The following TMOD3 variants were observed in gnomAD, a reference collection of about 807,000 sequenced individuals.
TMOD3 encodes the protein tropomodulin-3.
A neutral mutation model predicts 39.2 loss-of-function variants in TMOD3; 20 were observed. The ratio of observed to expected loss-of-function variants is 0.51; its 90% CI spans 0.36 to 0.74. The LOEUF (loss-of-function observed/expected upper bound fraction) is 0.74, where lower values mean the gene tolerates loss of function less well. Among genes scored for constraint, TMOD3 ranks in the 30% least tolerant of loss-of-function variants. The pLI is 0.00. For missense variants in TMOD3, 381 were observed against 412.8 expected, an observed-to-expected ratio of 0.92 and a Z score of 0.67; for synonymous variants, 143 against 145.8, an observed-to-expected ratio of 0.98 and a Z score of 0.14.
intron 1 of TMOD3, among the ~76,000 whole-genome samples, chr15:51,849,489 G>A (rs118164707): frequency 0.015 from 2,338 of 152,270 alleles, 84 homozygotes; most frequent in Admixed American, 0.074. Flanking sequence ...AAGTACTGGG[G>A]GCACTCCAAC....
At chr15:51,874,174 A>G (rs567213996) in intron 3 of TMOD3, among the ~76,000 whole-genome samples, 16 of 152,282 alleles carry the variant, frequency 1.1e-4, no homozygotes, top group African/African-American at 3.9e-4. Flanking sequence ...TTCATGCCAA[A>G]TTTTATTTTC....
At position 51,911,225 on chromosome 15, in the gene TMOD3, G is replaced by A. The variant is rs1404671753; in HGVS notation, c.*2415G>A. 2 of 152,070 alleles carry A rather than the reference G, an allele frequency of 1.3e-5. No individual in the cohort carries two copies. The highest frequency in any genetic ancestry group is 2.9e-5 in the Non-Finnish European group (2 of 68,016). 9.4% of individuals were successfully genotyped at this position (152,070 alleles called of 1,614,324 possible). ...TGTTTTTGTTTTTGTTTTTAATATA[G>A]GTAAGTGGGACTCTACCTAAAATTT... is the stretch of plus-strand genomic sequence containing the variant. On this transcript the variant is annotated 3_prime_UTR_variant, in exon 10 of 10. Coordinates refer to ENST00000308580, the MANE Select transcript of TMOD3 (RefSeq NM_014547.5).
At chr15:51,881,122 A>T (rs1296379988) in intron 3 of TMOD3, among the ~76,000 whole-genome samples, 2 of 152,228 alleles carry the variant, frequency 1.3e-5, no homozygotes, top group Non-Finnish European at 2.9e-5. Context: ...CTTTTTGGAA[A>T]TGGAGTCTTG....
chr15:51,863,117 T>G (rs2570251), intron 2 of TMOD3, 107 bp downstream of exon 2: 8 of 1,129,096 alleles, frequency 7.1e-6, no homozygotes, highest in African/African-American at 4.7e-5. Flanking sequence ...CTTCCACCCT[T>G]TCCTCCACTT....
chr15:51,846,611 A>G (rs1265387960), intron 1 of TMOD3, among the ~76,000 whole-genome samples: 1 of 152,216 alleles, frequency 6.6e-6, no homozygotes, highest in African/African-American at 2.4e-5. Context: ...ACCATTATGC[A>G]CTTGGCATGG....
At chr15:51,900,648 A>C (rs925224447) in intron 8 of TMOD3, among the ~76,000 whole-genome samples, 1 of 152,234 alleles carries the variant, frequency 6.6e-6, no homozygotes, top group Non-Finnish European at 1.5e-5. Flanking sequence ...AGAGAGATAC[A>C]TGTTAGAAAT....
At chr15:51,882,913 T>C (rs2056542225) in intron 3 of TMOD3, among the ~76,000 whole-genome samples, 1 of 152,236 alleles carries the variant, frequency 6.6e-6, no homozygotes, top group Non-Finnish European at 1.5e-5. Flanking sequence ...ATGCTAAACT[T>C]AGGTCCTTCC....
intron 3 of TMOD3, among the ~76,000 whole-genome samples, chr15:51,869,865 A>C (rs988035169): frequency 6.6e-6 from 1 of 151,902 alleles, no homozygotes; most frequent in Non-Finnish European, 1.5e-5. Flanking sequence ...TTCTAGTCCA[A>C]GTCTCCCCCA....
chr15:51,861,086 C>G, intron 1 of TMOD3: 1 of 606,478 alleles, frequency 1.6e-6, no homozygotes, highest in Non-Finnish European at 3.0e-6. Flanking sequence ...GTGTTCTTCT[C>G]TGGATCTGTT....
At chr15:51,904,417 G>T (rs1480367614) in intron 9 of TMOD3, among the ~76,000 whole-genome samples, 2 of 152,154 alleles carry the variant, frequency 1.3e-5, no homozygotes, top group Non-Finnish European at 2.9e-5. Flanking sequence ...TGGATTAAGT[G>T]AATAAATAAG....
intron 6 of TMOD3, among the ~76,000 whole-genome samples, chr15:51,894,180 G>A (rs978835490): frequency 3.9e-5 from 6 of 152,172 alleles, no homozygotes; most frequent in African/African-American, 1.4e-4. Flanking sequence ...CCTACAAACT[G>A]TCAGAATAAA....
At chr15:51,881,831 T>C (rs2056536469) in intron 3 of TMOD3, among the ~76,000 whole-genome samples, 1 of 152,156 alleles carries the variant, frequency 6.6e-6, no homozygotes, top group African/African-American at 2.4e-5. Context: ...CCCAAGAAGA[T>C]ATAATCTTAT....
chr15:51,836,723 CAAAAAAAAAAAAAGA>C (rs1293426751), intron 1 of TMOD3, among the ~76,000 whole-genome samples: 5 of 129,288 alleles, frequency 3.9e-5, no homozygotes, highest in Admixed American at 7.8e-5. Context: ...TGCTCCGTCT[CAAAAAAAAAAAAAGA>C]AAAAAGAAAA....
intron 3 of TMOD3, among the ~76,000 whole-genome samples, chr15:51,876,156 A>ATGTTGT (rs529178531): frequency 1.3e-5 from 2 of 151,286 alleles, no homozygotes; most frequent in East Asian, 1.9e-4. Flanking sequence ...CTGTTCTTTG[A>ATGTTGT]TGTTGTTGTT....
intron 7 of TMOD3, among the ~76,000 whole-genome samples, chr15:51,899,927 G>A (rs1377502806): frequency 6.6e-6 from 1 of 152,104 alleles, no homozygotes; most frequent in Non-Finnish European, 1.5e-5. Flanking sequence ...TTTCTATAAG[G>A]CACTTGAGCA....
At chr15:51,859,450 A>T in intron 1 of TMOD3, 1 of 660,906 alleles carries the variant, frequency 1.5e-6, no homozygotes, top group Non-Finnish European at 2.9e-6. Flanking sequence ...TTCCTGAAAA[A>T]GTCAACTGAA....
chr15:51,898,363 A>G (rs2056632155), intron 7 of TMOD3, among the ~76,000 whole-genome samples: 1 of 152,206 alleles, frequency 6.6e-6, no homozygotes, highest in Non-Finnish European at 1.5e-5. Flanking sequence ...TGACCGTGCT[A>G]TATAAAATAC....
chr15:51,876,823 C>T (rs956212121), intron 3 of TMOD3, among the ~76,000 whole-genome samples: 1 of 151,954 alleles, frequency 6.6e-6, no homozygotes, highest in East Asian at 1.9e-4. Context: ...CCTGTAATTG[C>T]GGCACTGCGG....
Position 51,896,539 on chromosome 15 carries a change from CT to C in TMOD3, c.735+15del. 1 of 1,591,218 alleles carries C rather than the reference CT, an allele frequency of 6.3e-7. No individual in the cohort carries two copies. ...CCCTGTTGCTACTGTAAGTAAGCGA[CT>C]TGAGAATATCAAAATTATGACATGC... On this transcript the variant is annotated intron_variant, in intron 7 of 9. Coordinates refer to ENST00000308580, the MANE Select transcript of TMOD3 (RefSeq NM_014547.5).
Sources: gnomAD v4.1 joint callset for allele counts (sites outside exome capture counted in the v4.1 genomes callset) on GRCh38, gnomAD v4.1.1 for gene constraint, MANE v1.5 for transcripts, NCBI Gene and HGNC (gene_info 2026-07-23, HGNC 2026-07-21) for gene names.